The following PLXNA2 variants were observed in gnomAD, a reference collection of about 807,000 sequenced individuals.
PLXNA2 encodes plexin A2.
Under a neutral mutation model 193.5 loss-of-function variants are expected in PLXNA2, and 91 were observed. The observed-to-expected ratio is 0.47, with a 90% CI of 0.40 to 0.56. PLXNA2 has a LOEUF of 0.56. Among genes scored for constraint, PLXNA2 ranks in the 20% least tolerant of loss-of-function variants. The probability of loss-of-function intolerance (pLI) is 0.00; values close to 1 mark genes in which losing one functional copy is unlikely to be tolerated. For missense variants in PLXNA2, 1,995 were observed against 2,503.2 expected (o/e 0.80, Z 4.33); for synonymous variants, 997 against 1,027.3 (o/e 0.97, Z 0.56).
rs1369130507 is a variant in PLXNA2 at position 208,031,557 on chromosome 1, C to T, written c.5225+33G>A. 5.0e-6 allele frequency: 8 copies of T among 1,613,100 alleles called. No homozygotes were observed. The Admixed American group carries it at 1.0e-4, about 20-fold the overall frequency. On this transcript the variant is annotated intron_variant, in intron 29 of 31. Transcript: ENST00000367033. Reference sequence around the variant, plus strand: ...CCTCTTAGCTCCAGGCCTCTCCAGGCTGCACCTCCTGCTGAGCTCCCCGAG... The same window carrying T: ...CCTCTTAGCTCCAGGCCTCTCCAGGTTGCACCTCCTGCTGAGCTCCCCGAG...
intron 3 of PLXNA2, among the ~76,000 whole-genome samples, chr1:208,197,165 G>GA (rs1339674602): frequency 2.0e-5 from 3 of 152,046 alleles, no homozygotes; most frequent in Non-Finnish European, 4.4e-5. Context: ...AACAATGAAA[G>GA]AAAAAAATCA....
intron 3 of PLXNA2, among the ~76,000 whole-genome samples, chr1:208,170,119 G>A (rs964314675): frequency 6.6e-6 from 1 of 152,100 alleles, no homozygotes; most frequent in African/African-American, 2.4e-5. Flanking sequence ...ATGCTGATAG[G>A]TATATTGTTC....
At chr1:208,152,683 G>GCA (rs56051287) in intron 3 of PLXNA2, among the ~76,000 whole-genome samples, 2,576 of 140,298 alleles carry the variant, frequency 0.018, 62 homozygotes, top group African/African-American at 0.057. Context: ...ACACACACAC[G>GCA]CACACACACA....
intron 3 of PLXNA2, among the ~76,000 whole-genome samples, chr1:208,187,219 A>G (rs1345797472): frequency 1.3e-5 from 2 of 152,144 alleles, no homozygotes; most frequent in Admixed American, 6.5e-5. Flanking sequence ...TGAGGATTAA[A>G]TGAAAGGACC....
intron 3 of PLXNA2, among the ~76,000 whole-genome samples, chr1:208,190,064 C>T (rs917871322): frequency 3.3e-5 from 5 of 152,170 alleles, no homozygotes; most frequent in Non-Finnish European, 7.3e-5. Flanking sequence ...ACCCTGAAGG[C>T]AAACTGGGGC....
intron 3 of PLXNA2, among the ~76,000 whole-genome samples, chr1:208,152,774 A>T (rs1215472549): frequency 1.3e-5 from 2 of 151,326 alleles, no homozygotes; most frequent in African/African-American, 4.9e-5. Context: ...TCAGTTTGTC[A>T]TTCAGGAGTC....
chr1:208,100,228 G>A (rs1302885756), intron 5 of PLXNA2, among the ~76,000 whole-genome samples: 1 of 152,044 alleles, frequency 6.6e-6, no homozygotes, highest in Non-Finnish European at 1.5e-5. Context: ...AATTAGCTGG[G>A]TATGGTGGCA....
At chr1:208,221,468 G>A (rs1011498843) in intron 1 of PLXNA2, among the ~76,000 whole-genome samples, 2 of 134,204 alleles carry the variant, frequency 1.5e-5, no homozygotes, top group Admixed American at 8.6e-5. Flanking sequence ...CCCTCATGCA[G>A]CATTTGCTTT....
rs1270830538 is a variant in PLXNA2 at position 208,028,484 on chromosome 1, T to C, written c.5439-325A>G. On this transcript the variant is annotated intron_variant, in intron 30 of 31. Transcript: ENST00000367033. The surrounding 1 kb of genome is among the most constrained non-coding windows in gnomAD (Gnocchi z 4.2). The stretch of plus-strand genomic sequence containing the variant: ...GCTGTGTGACGCAGGGCAAGTTATT[T>C]ACCCTCTCTGTACCTCAGTTTCCTT... Among the ~76,000 whole-genome samples, 1 of 152,180 alleles carries C rather than the reference T, an allele frequency of 6.6e-6. No homozygotes were observed. The highest frequency in any genetic ancestry group is 6.5e-5 in the Admixed American group (1 of 15,274).
intron 3 of PLXNA2, among the ~76,000 whole-genome samples, chr1:208,146,123 CAG>C (rs928563385): frequency 1.3e-5 from 2 of 152,198 alleles, no homozygotes; most frequent in African/African-American, 2.4e-5. Flanking sequence ...CCCTGGGCAG[CAG>C]AGGTCTTTCC....
At chr1:208,174,429 A>T (rs1349063987) in intron 3 of PLXNA2, among the ~76,000 whole-genome samples, 4 of 151,658 alleles carry the variant, frequency 2.6e-5, no homozygotes, top group African/African-American at 7.3e-5. Flanking sequence ...GGGAGGAGGT[A>T]AGGGCTGTGG....
intron 1 of PLXNA2, among the ~76,000 whole-genome samples, chr1:208,237,717 A>C (rs1671911431): frequency 6.6e-6 from 1 of 152,174 alleles, no homozygotes; most frequent in African/African-American, 2.4e-5. Flanking sequence ...CTTAAAGCAA[A>C]GGCTTTGAGG....
At chr1:208,226,809 T>C (rs1249278453) in intron 1 of PLXNA2, among the ~76,000 whole-genome samples, 1 of 152,204 alleles carries the variant, frequency 6.6e-6, no homozygotes, top group Admixed American at 6.5e-5. Flanking sequence ...CCCCCTTCCT[T>C]AGGCTCTGCC....
intron 9 of PLXNA2, among the ~76,000 whole-genome samples, chr1:208,085,801 G>GCT (rs1205330115): frequency 2.6e-5 from 4 of 152,150 alleles, no homozygotes; most frequent in African/African-American, 9.7e-5. Flanking sequence ...CTGAATGTAT[G>GCT]GTTAACTCTG....
rs1467177714 is a variant in PLXNA2, at chr1:208,028,117, C to T, written c.5481G>A (p.Gln1827=). 1.9e-6 allele frequency: 3 copies of T among 1,613,472 alleles called. No individual in the cohort carries two copies. Among genetic ancestry groups the T allele is most frequent in the Non-Finnish European group, 1.7e-6 (2 of 1,179,750 alleles). ...GCTCGGCGAGGTAGGCATTCATGTC[C>T]TGGTCACTGATGGCTGGGAGCTTGG... ...DIAKLPAISD[Q]DMNAYLAEQS... Residue 1827 remains glutamine (Q), a synonymous_variant, in exon 31 of 32, where the codon CAG becomes CAA. Transcript: ENST00000367033. The surrounding 1 kb of genome is among the most constrained non-coding windows in gnomAD (Gnocchi z 4.2).
intron 29 of PLXNA2, chr1:208,029,977 C>A (rs1664450153): frequency 2.9e-5 from 29 of 985,584 alleles, no homozygotes; most frequent in Non-Finnish European, 3.5e-5. Flanking sequence ...CCCAGCTCCC[C>A]AGCTTCTTCT....
intron 29 of PLXNA2, chr1:208,030,559 A>C (rs1664470185): frequency 1.0e-6 from 1 of 985,320 alleles, no homozygotes; most frequent in Non-Finnish European, 1.2e-6. Flanking sequence ...TCAAAGCTGC[A>C]GACTGAGGAA....
chr1:208,138,606 C>T (rs1056555450), intron 4 of PLXNA2, among the ~76,000 whole-genome samples: 21 of 152,216 alleles, frequency 1.4e-4, no homozygotes, highest in Admixed American at 6.5e-4. Flanking sequence ...TTATGCTGAC[C>T]GGGCGCAGTG....
intron 4 of PLXNA2, among the ~76,000 whole-genome samples, chr1:208,107,903 C>T (rs1001118308): frequency 2.6e-5 from 4 of 152,036 alleles, no homozygotes; most frequent in African/African-American, 9.7e-5. Flanking sequence ...GGATTCCACC[C>T]TCATGCTTGA....
Sources: allele counts gnomAD v4.1 joint callset (sites outside exome capture counted in the v4.1 genomes callset), GRCh38; gene constraint gnomAD v4.1.1; non-coding constraint Gnocchi (gnomAD v3.1); transcripts MANE v1.5; gene names NCBI Gene and HGNC (gene_info 2026-07-23, HGNC 2026-07-21).